The following CFAP47 variants were observed in gnomAD, a reference collection of about 807,000 sequenced individuals.
CFAP47 encodes the protein cilia- and flagella-associated protein 47.
In CFAP47, 29 loss-of-function variants were observed where a neutral mutation model predicts 148.1. The ratio of observed to expected loss-of-function variants is 0.20; its 90% CI spans 0.15 to 0.27. The LOEUF (loss-of-function observed/expected upper bound fraction) is 0.27. CFAP47 is among the 10% of genes least tolerant of loss of function. The probability of loss-of-function intolerance (pLI) is 1.00; values close to 1 mark genes in which losing one functional copy is unlikely to be tolerated. For missense variants in CFAP47, 1,872 were observed against 1,697.5 expected (o/e 1.10, Z -1.81); for synonymous variants, 664 against 577.3 (o/e 1.15, Z -2.15).
intron 40 of CFAP47, among the ~76,000 whole-genome samples, chrX:36,185,573 C>T (rs782589461): frequency 8.9e-6 from 1 of 111,887 alleles, no homozygotes; most frequent in East Asian, 2.8e-4. Context: ...TGAAGAATAG[C>T]GTTTTCTAAA....
intron 45 of CFAP47, among the ~76,000 whole-genome samples, chrX:36,209,969 G>A (rs185531374): frequency 1.8e-5 from 2 of 111,458 alleles, no homozygotes; most frequent in Admixed American, 1.9e-4. Flanking sequence ...TGCCTATTTT[G>A]GAGATCTCAT....
rs1555994533 is a variant in CFAP47 at position 36,236,056 on chromosome X, T to G, written c.7137T>G (p.Pro2379=). ...EIVEYPLTFK[P]IFECVITGKL... The stretch of plus-strand genomic sequence containing the variant: ...TGGAGTATCCTCTCACATTCAAACC[T>G]ATTTTTGAATGTGTCATTACGGTAT... Residue 2379 remains proline, a synonymous_variant, in exon 47 of 64, where the codon CCT becomes CCG. Transcript: ENST00000378653. 6.0e-6 allele frequency: 3 copies of G among 503,765 alleles called. No individual in the cohort carries two copies. The highest frequency in any genetic ancestry group is 1.1e-5 in the Non-Finnish European group (3 of 278,482). 41.5% of individuals were successfully genotyped at this position (503,765 alleles called of 1,213,427 possible).
intron 44 of CFAP47, among the ~76,000 whole-genome samples, chrX:36,202,877 CAAA>C (rs1207535043): frequency 3.7e-5 from 2 of 54,780 alleles, no homozygotes. Context: ...AACTCCGTCT[CAAA>C]AAAAAAAAAA....
chrX:35,927,703 A>G (rs73466952), intron 2 of CFAP47, among the ~76,000 whole-genome samples: 4,158 of 110,103 alleles, frequency 0.038, 203 homozygotes, highest in African/African-American at 0.13. Flanking sequence ...CAGTCAAGAT[A>G]GTGAACAGTT....
rs1936860036 is a variant in CFAP47 at position 35,997,326 on chromosome X, T to C, written c.3114T>C (p.His1038=). Residue 1038 remains histidine, a synonymous_variant, in exon 19 of 64, where the codon CAT becomes CAC. Coordinates refer to ENST00000378653, the MANE Select transcript of CFAP47 (RefSeq NM_001304548.2). ...FDTRAKVSIR[H]ANVIDLRIGG... ...TCCTAAATAAGGTTTCTATTCGTCATGCGAATGTTATAGACCTTAGGATTG... is the reference window on the plus strand; with the variant it reads ...TCCTAAATAAGGTTTCTATTCGTCACGCGAATGTTATAGACCTTAGGATTG... The C allele has an allele frequency of 6.8e-6, 2 of 293,785 alleles. No homozygotes were observed. Among genetic ancestry groups the C allele is most frequent in the Admixed American group, 6.2e-5 (1 of 16,077 alleles). 24.2% of individuals were successfully genotyped at this position (293,785 alleles called of 1,213,427 possible).
At chrX:36,009,701 T>G (rs1937017801) in intron 21 of CFAP47, among the ~76,000 whole-genome samples, 1 of 112,132 alleles carries the variant, frequency 8.9e-6, no homozygotes, top group African/African-American at 3.3e-5. Context: ...TTGGCAGTGG[T>G]ACAGCCAGTT....
intron 52 of CFAP47, among the ~76,000 whole-genome samples, chrX:36,300,657 A>G (rs1941290106): frequency 8.9e-6 from 1 of 112,138 alleles, no homozygotes; most frequent in Non-Finnish European, 1.9e-5. Context: ...CTGATCATAA[A>G]GGAAGTTCTC....
chrX:36,172,367 G>T (rs780113558), intron 39 of CFAP47, among the ~76,000 whole-genome samples: 1 of 107,359 alleles, frequency 9.3e-6, no homozygotes, highest in South Asian at 4.3e-4. Context: ...GGGCATCCCT[G>T]TCTTGTGCCA....
chrX:36,025,739 A>AT (rs1937209084), intron 22 of CFAP47, among the ~76,000 whole-genome samples: 1 of 112,182 alleles, frequency 8.9e-6, no homozygotes, highest in Admixed American at 9.4e-5. Context: ...TTAATTGTAT[A>AT]TTTTTATGTA....
At chrX:36,166,651 GT>G (rs1389974376) in intron 39 of CFAP47, among the ~76,000 whole-genome samples, 22 of 110,779 alleles carry the variant, frequency 2.0e-4, no homozygotes, top group Admixed American at 1.7e-3. Context: ...TCTTCTTTTT[GT>G]GTGTGTGTGT....
intron 11 of CFAP47, 120 bp downstream of exon 11, chrX:35,971,043 A>T: frequency 2.0e-6 from 1 of 512,372 alleles, no homozygotes; most frequent in Non-Finnish European, 3.1e-6. Context: ...TCAATACGTG[A>T]TAAAAGCAAA....
At chrX:36,158,048 A>G (rs778653166) in intron 37 of CFAP47, among the ~76,000 whole-genome samples, 10 of 111,754 alleles carry the variant, frequency 8.9e-5, no homozygotes, top group African/African-American at 2.9e-4. Context: ...AACTATTTTG[A>G]GAACATTTCT....
rs6632580 is a variant in CFAP47, at chrX:36,348,804, C to G, written c.8603+516C>G. Among the ~76,000 whole-genome samples, 1,092 of 111,685 alleles carry G rather than the reference C, an allele frequency of 9.8e-3. 43 individuals are homozygous for G. Among genetic ancestry groups the G allele is most frequent in the Admixed American group, 0.079 (824 of 10,447 alleles). On this transcript the variant is annotated intron_variant, in intron 58 of 63. Transcript: ENST00000378653. ...AGTTACTTGTATCTTTCTTGCTTAG[C>G]TGGAAGTTAAGCAAAATTCAATAAT...
At chrX:36,235,433 T>C (rs1940445468) in intron 46 of CFAP47, among the ~76,000 whole-genome samples, 1 of 112,112 alleles carries the variant, frequency 8.9e-6, no homozygotes, top group Non-Finnish European at 1.9e-5. Flanking sequence ...AGGTGGGGGA[T>C]ATAATCTCCT....
intron 40 of CFAP47, among the ~76,000 whole-genome samples, chrX:36,187,016 T>A (rs782411146): frequency 5.4e-4 from 60 of 111,855 alleles, no homozygotes; most frequent in African/African-American, 1.7e-3. Context: ...AAAGTTATTT[T>A]CCATTCTGTC....
chrX:36,128,110 G>A (rs750701933), intron 33 of CFAP47, among the ~76,000 whole-genome samples: 3 of 110,657 alleles, frequency 2.7e-5, no homozygotes, highest in African/African-American at 6.6e-5. Context: ...GATTTCCCTG[G>A]CCAGAACTTC....
chrX:36,039,106 A>G lies in CFAP47; in HGVS notation c.3934A>G (p.Ile1312Val). The G allele has an allele frequency of 9.0e-7, 1 of 1,107,615 alleles. No individual in the cohort carries two copies. Among genetic ancestry groups the G allele is most frequent in the East Asian group, 3.3e-5 (1 of 30,163 alleles). 91.3% of individuals were successfully genotyped at this position (1,107,615 alleles called of 1,213,427 possible). A position where few individuals can be genotyped will look rare whatever the true frequency, so the allele number is the denominator to read the frequency against. Residue 1312 changes from isoleucine (I) to valine (V), a missense_variant, in exon 25 of 64, where the codon ATA becomes GTA. Physicochemically the swap from Ile to Val is conservative, Grantham distance 29. Transcript: ENST00000378653. ...SPELLFDPPF[I>V]FFTPVPLDIT... ...AGAGTTATTGTTTGACCCTCCATTT[A>G]TATTTTTCACTCCTGTTCCTTTGGA... is the stretch of plus-strand genomic sequence containing the variant.
chrX:36,280,575 C>A lies in CFAP47; in HGVS notation c.7533C>A (p.Leu2511=). The A allele has an allele frequency of 2.0e-6, 1 of 509,592 alleles. No individual in the cohort carries two copies. The highest frequency in any genetic ancestry group is 3.5e-6 in the Non-Finnish European group (1 of 284,470). The allele number at this position is 509,592 out of a possible 1,213,427, so 42.0% of individuals were successfully genotyped here. ...AAGACACAGATCAAGATCAAGCCCT[C>A]TCCTGTCTTGATTCAATAACAGAAC... is the stretch of plus-strand genomic sequence containing the variant. ...YEEDTDQDQA[L]SCLDSITEQS... The change falls in exon 50 of 64, where the codon CTC becomes CTA. Residue 2511 remains leucine (L), a synonymous_variant. Transcript: ENST00000378653.
chrX:36,041,698 C>T (rs964099425), intron 25 of CFAP47, among the ~76,000 whole-genome samples: 106 of 110,246 alleles, frequency 9.6e-4, no homozygotes, highest in Admixed American at 2.1e-3. Flanking sequence ...CCGAGGCGGG[C>T]GGATCACGAG....
Sources: allele counts gnomAD v4.1 joint callset (sites outside exome capture counted in the v4.1 genomes callset), GRCh38; gene constraint gnomAD v4.1.1; transcripts MANE v1.5; gene names NCBI Gene and HGNC (gene_info 2026-07-23, HGNC 2026-07-21).